Variants in TENM3 observed in about 807,000 individuals in gnomAD.
The protein encoded by TENM3 is teneurin transmembrane protein 3.
A neutral mutation model predicts 255.1 loss-of-function variants in TENM3; 63 were observed. The observed-to-expected ratio is 0.25, with a 90% confidence interval of 0.20 to 0.30. The LOEUF (loss-of-function observed/expected upper bound fraction) is 0.30, where lower values mean the gene tolerates loss of function less well. TENM3 is among the 10% of genes least tolerant of loss of function. The pLI is 1.00. For missense variants in TENM3, 2,929 were observed against 3,461.1 expected (o/e 0.85, Z 3.86); for synonymous variants, 1,306 against 1,322.3 (o/e 0.99, Z 0.27).
intron 7 of TENM3, among the ~76,000 whole-genome samples, chr4:182,676,450 G>C (rs942981355): frequency 6.6e-6 from 1 of 151,476 alleles, no homozygotes; most frequent in Non-Finnish European, 1.5e-5. Flanking sequence ...GTGTCCATTG[G>C]TAAAATGAAA....
chr4:181,525,785 A>G, the TENM3 span, among the ~76,000 whole-genome samples: 2 of 152,184 alleles, frequency 1.3e-5, no homozygotes, highest in Non-Finnish European at 2.9e-5. Flanking sequence ...AGGTTTTCTT[A>G]CCACATACTA....
chr4:182,372,405 C>G (rs1287240134), intron 3 of TENM3, among the ~76,000 whole-genome samples: 1 of 152,130 alleles, frequency 6.6e-6, no homozygotes, highest in African/African-American at 2.4e-5. Flanking sequence ...TAAAAAAATA[C>G]TCGACAGTGC....
intron 3 of TENM3, among the ~76,000 whole-genome samples, chr4:182,370,642 A>G (rs1331534467): frequency 7.2e-5 from 11 of 152,206 alleles, no homozygotes; most frequent in Admixed American, 6.5e-4. Flanking sequence ...ATTTCTAAAC[A>G]TGAGTCATTC....
the TENM3 span, among the ~76,000 whole-genome samples, chr4:181,807,440 G>A: frequency 6.7e-4 from 102 of 152,206 alleles, no homozygotes; most frequent in Non-Finnish European, 9.0e-4. Context: ...CGCAACCTCC[G>A]CCTCCCGGGT....
the TENM3 span, among the ~76,000 whole-genome samples, chr4:181,474,667 G>A: frequency 4.0e-5 from 6 of 151,194 alleles, no homozygotes; most frequent in African/African-American, 7.3e-5. Context: ...CCTGGGAGGC[G>A]GAGGTTGCAG....
At chr4:181,967,459 T>G in the TENM3 span, among the ~76,000 whole-genome samples, 1 of 152,236 alleles carries the variant, frequency 6.6e-6, no homozygotes, top group Non-Finnish European at 1.5e-5. Context: ...TAATTTTTTT[T>G]GGAAATGTCC....
chr4:181,830,180 C>T, the TENM3 span, among the ~76,000 whole-genome samples: 4 of 152,124 alleles, frequency 2.6e-5, no homozygotes, highest in African/African-American at 9.7e-5. Context: ...TTCAAGAGTG[C>T]TACGTTTAGG....
the TENM3 span, among the ~76,000 whole-genome samples, chr4:181,503,980 A>T: frequency 6.6e-6 from 1 of 152,200 alleles, no homozygotes; most frequent in Non-Finnish European, 1.5e-5. Flanking sequence ...TGACAGCAGC[A>T]TTTCCACTTT....
At chr4:182,139,442 G>C (rs539845962), upstream of TENM3, among the ~76,000 whole-genome samples, 1 of 152,308 alleles carries the variant, frequency 6.6e-6, no homozygotes, top group East Asian at 1.9e-4. Flanking sequence ...GCTGGACCCT[G>C]AAATATCTAA....
chr4:181,827,882 C>T, the TENM3 span, among the ~76,000 whole-genome samples: 1 of 152,062 alleles, frequency 6.6e-6, no homozygotes, highest in African/African-American at 2.4e-5. Flanking sequence ...GAAAACAAAA[C>T]AAGAGAGGCC....
the TENM3 span, among the ~76,000 whole-genome samples, chr4:181,572,274 G>A: frequency 4.5e-4 from 69 of 152,300 alleles, no homozygotes; most frequent in African/African-American, 1.5e-3. Flanking sequence ...AAGATTCTCA[G>A]TCCTTCCTAC....
intron 3 of TENM3, among the ~76,000 whole-genome samples, chr4:182,517,446 C>G (rs989922650): frequency 8.1e-5 from 10 of 122,894 alleles, no homozygotes; most frequent in Non-Finnish European, 1.7e-4. Flanking sequence ...TGCAGTGGTG[C>G]GATCTCGGCT....
chr4:182,703,072 G>T (rs1758015958), intron 12 of TENM3, among the ~76,000 whole-genome samples: 2 of 152,152 alleles, frequency 1.3e-5, no homozygotes, highest in Admixed American at 1.3e-4. Context: ...AGACTGTCCT[G>T]CCTCCTGAAT....
chr4:181,931,596 T>G, the TENM3 span, among the ~76,000 whole-genome samples: 1 of 152,196 alleles, frequency 6.6e-6, no homozygotes, highest in Non-Finnish European at 1.5e-5. Flanking sequence ...CTGCCCAAAG[T>G]AATTTATAGA....
At chr4:181,739,776 C>T in the TENM3 span, among the ~76,000 whole-genome samples, 7 of 152,158 alleles carry the variant, frequency 4.6e-5, no homozygotes, top group East Asian at 1.9e-4. Context: ...TTTAAGATGT[C>T]GGTTTTCTTG....
intron 1 of TENM3, among the ~76,000 whole-genome samples, chr4:182,285,550 A>T (rs1694798363): frequency 6.6e-6 from 1 of 152,210 alleles, no homozygotes; most frequent in South Asian, 2.1e-4. Flanking sequence ...ATGAAGACAG[A>T]TCTGTATGAC....
At chr4:182,173,783 A>G (rs1161903272) in intron 1 of TENM3, among the ~76,000 whole-genome samples, 1 of 152,238 alleles carries the variant, frequency 6.6e-6, no homozygotes, top group Non-Finnish European at 1.5e-5. Context: ...TAAATCCAGC[A>G]GCGAAAGGAA....
intron 4 of TENM3, among the ~76,000 whole-genome samples, chr4:182,613,129 A>T (rs1749166268): frequency 6.6e-6 from 1 of 152,220 alleles, no homozygotes. Flanking sequence ...ATGAATTAAT[A>T]ATTAAATAGA....
At chr4:181,730,690 GT>G in the TENM3 span, among the ~76,000 whole-genome samples, 1 of 152,108 alleles carries the variant, frequency 6.6e-6, no homozygotes, top group Non-Finnish European at 1.5e-5. Flanking sequence ...GTTTAGAGGG[GT>G]TTTATGCTTT....
Sources: gnomAD v4.1 joint callset for allele counts (sites outside exome capture counted in the v4.1 genomes callset) on GRCh38, gnomAD v4.1.1 for gene constraint, MANE v1.5 for transcripts, NCBI Gene and HGNC (gene_info 2026-07-23, HGNC 2026-07-21) for gene names.